The following ATP9B variants were observed in gnomAD, a reference collection of about 807,000 sequenced individuals.
ATP9B encodes ATPase phospholipid transporting 9B.
Under a neutral mutation model 146.1 loss-of-function variants are expected in ATP9B, and 110 were observed. That is an observed-to-expected ratio of 0.75 (90% CI 0.65 to 0.88). The LOEUF is 0.88. ATP9B is among the 40% of genes least tolerant of loss of function. ATP9B has a pLI of 0.00. For synonymous variants in ATP9B, 604 were observed against 569.7 expected, an observed-to-expected ratio of 1.06 and a Z score of -0.86; for missense variants, 1,499 against 1,496.4, an observed-to-expected ratio of 1.00 and a Z score of -0.03.
At chr18:79,109,301 A>T (rs1244179411) in intron 2 of ATP9B, among the ~76,000 whole-genome samples, 2 of 152,208 alleles carry the variant, frequency 1.3e-5, no homozygotes, top group South Asian at 2.1e-4. Flanking sequence ...TGCTTAAAAG[A>T]GATGAATTTG....
intron 13 of ATP9B, among the ~76,000 whole-genome samples, chr18:79,293,346 T>G (rs985261798): frequency 5.3e-5 from 8 of 152,096 alleles, no homozygotes; most frequent in African/African-American, 1.9e-4. Context: ...TGTGACACTA[T>G]TAAGAGGTGG....
intron 10 of ATP9B, among the ~76,000 whole-genome samples, chr18:79,211,516 G>A (rs1471624186): frequency 1.3e-5 from 2 of 152,116 alleles, no homozygotes; most frequent in Non-Finnish European, 2.9e-5. Context: ...TGGAGTGTAG[G>A]AGTAAATGTG....
chr18:79,236,755 C>T (rs1299480726), intron 11 of ATP9B, among the ~76,000 whole-genome samples: 184 of 147,926 alleles, frequency 1.2e-3, no homozygotes, highest in Non-Finnish European at 2.3e-3. Flanking sequence ...ACTGTGTGCA[C>T]GGTCCGTGCA....
rs540236421 is a variant in ATP9B, at chr18:79,090,131, C to T, written c.120-6345C>T. 2.0e-5 allele frequency among the ~76,000 whole-genome samples: 3 copies of T among 152,252 alleles called. No individual in the cohort carries two copies. The South Asian group carries it at 6.2e-4, about 32-fold the overall frequency. On this transcript the variant is annotated intron_variant, in intron 1 of 29. Coordinates refer to ENST00000426216, the MANE Select transcript of ATP9B (RefSeq NM_198531.5). Reference sequence around the variant, plus strand: ...TTCTTTTTTACTGTTGAATGGTACTCCATTGTGTATATGTACCACATTTTC... The same window carrying T: ...TTCTTTTTTACTGTTGAATGGTACTTCATTGTGTATATGTACCACATTTTC...
chr18:79,099,862 C>T (rs777496358), intron 2 of ATP9B, among the ~76,000 whole-genome samples: 11 of 152,220 alleles, frequency 7.2e-5, no homozygotes, highest in East Asian at 3.9e-4. Flanking sequence ...TGCAGTGGCT[C>T]ACGCCTGTAA....
At chr18:79,261,891 A>G (rs2096145639) in intron 12 of ATP9B, among the ~76,000 whole-genome samples, 1 of 152,148 alleles carries the variant, frequency 6.6e-6, no homozygotes, top group Non-Finnish European at 1.5e-5. Flanking sequence ...CTCCCACTTT[A>G]TAATAGGCAG....
At chr18:79,209,345 G>A (rs965628614) in intron 10 of ATP9B, among the ~76,000 whole-genome samples, 1 of 152,206 alleles carries the variant, frequency 6.6e-6, no homozygotes, top group African/African-American at 2.4e-5. Context: ...AATCATTCGT[G>A]AAGATAGTAA....
At chr18:79,332,298 G>A (rs570907964) in intron 17 of ATP9B, among the ~76,000 whole-genome samples, 8 of 152,032 alleles carry the variant, frequency 5.3e-5, no homozygotes, top group East Asian at 3.9e-4. Flanking sequence ...GTGTGGTGGC[G>A]GGCGCCTGTA....
At chr18:79,333,142 C>T (rs1200946471) in intron 17 of ATP9B, 2 of 152,380 alleles carry the variant, frequency 1.3e-5, no homozygotes, top group Non-Finnish European at 2.9e-5. Context: ...AGGGTCTCTG[C>T]GCGTGCCTGG....
At chr18:79,309,300 C>T (rs1211758360) in intron 15 of ATP9B, among the ~76,000 whole-genome samples, 1 of 73,678 alleles carries the variant, frequency 1.4e-5, no homozygotes. Context: ...GGAGTGATCC[C>T]CAGCAGGTAG....
chr18:79,126,190 G>A (rs769352972), intron 4 of ATP9B, 77 bp from the exon 5 acceptor site: 570 of 1,263,150 alleles, frequency 4.5e-4, no homozygotes, highest in Non-Finnish European at 5.4e-4. Flanking sequence ...AAGGAAAAAA[G>A]TTAAACCAAG....
chr18:79,332,384 G>C (rs1398154323), intron 17 of ATP9B, among the ~76,000 whole-genome samples: 1 of 152,188 alleles, frequency 6.6e-6, no homozygotes, highest in Admixed American at 6.5e-5. Flanking sequence ...AGCCAAGATC[G>C]CGACACTGCA....
intron 13 of ATP9B, among the ~76,000 whole-genome samples, chr18:79,299,417 G>T (rs2096575017): frequency 6.6e-6 from 1 of 152,130 alleles, no homozygotes; most frequent in African/African-American, 2.4e-5. Flanking sequence ...CGCTTCTCTT[G>T]TGGAAACCAC....
rs7245379 is a variant in ATP9B at position 79,239,954 on chromosome 18, C to G, written c.1108-13427C>G. 0.13 allele frequency among the ~76,000 whole-genome samples: 19,628 copies of G among 152,184 alleles called. 1,447 individuals carry two copies. The highest frequency in any genetic ancestry group is 0.2 in the African/African-American group (8,241 of 41,504). On this transcript the variant is annotated intron_variant, in intron 11 of 29. Transcript: ENST00000426216. This position sits in a 1 kb window ranked among gnomAD's most constrained non-coding sequence, Gnocchi z 5.1. ...CCCATCAGCGGTGACCAGCAGATCA[C>G]CACGCCTCAGGGGCCCCACACCCGC...
chr18:79,138,080 G>A (rs566753279), intron 5 of ATP9B, among the ~76,000 whole-genome samples: 77 of 152,220 alleles, frequency 5.1e-4, no homozygotes, highest in African/African-American at 1.7e-3. Flanking sequence ...ATTTGAATTC[G>A]CTTCTGTGGA....
chr18:79,303,528 C>G, intron 13 of ATP9B, 76 bp from the exon 14 acceptor site: 1 of 1,165,320 alleles, frequency 8.6e-7, no homozygotes, highest in Non-Finnish European at 1.3e-6. Context: ...GTGCAGCATG[C>G]CTGCATGGTA....
At chr18:79,107,248 T>G (rs1480001904) in intron 2 of ATP9B, among the ~76,000 whole-genome samples, 1 of 152,256 alleles carries the variant, frequency 6.6e-6, no homozygotes, top group Non-Finnish European at 1.5e-5. Flanking sequence ...TAATGGAATA[T>G]TCTCCATCTG....
At chr18:79,333,923 T>G (rs2096805143) in intron 17 of ATP9B, among the ~76,000 whole-genome samples, 1 of 152,200 alleles carries the variant, frequency 6.6e-6, no homozygotes, top group African/African-American at 2.4e-5. Flanking sequence ...TGCTCAAATT[T>G]GAAATTTGAG....
chr18:79,330,931 A>C (rs769381514), intron 17 of ATP9B, among the ~76,000 whole-genome samples: 1 of 152,220 alleles, frequency 6.6e-6, no homozygotes, highest in Non-Finnish European at 1.5e-5. Context: ...TTTTCTTTAG[A>C]ATTTTAACCT....
Sources: gnomAD v4.1 joint callset for allele counts (sites outside exome capture counted in the v4.1 genomes callset) on GRCh38, gnomAD v4.1.1 for gene constraint, Gnocchi (gnomAD v3.1) non-coding constraint, MANE v1.5 for transcripts, NCBI Gene and HGNC (gene_info 2026-07-23, HGNC 2026-07-21) for gene names.